GADL1: variants seen among roughly 807,000 people sequenced by gnomAD.
GADL1 encodes the protein acidic amino acid decarboxylase GADL1.
GADL1 carries 71 observed loss-of-function variants against 69.5 expected under a neutral mutation model. That is an observed-to-expected ratio of 1.02 (90% CI 0.84 to 1.25). The LOEUF (loss-of-function observed/expected upper bound fraction) is 1.25, where lower values mean the gene tolerates loss of function less well. Among genes scored for constraint, GADL1 ranks in the 50% most tolerant of loss-of-function variants. The probability of loss-of-function intolerance (pLI) is 0.00; values close to 1 mark genes in which losing one functional copy is unlikely to be tolerated. For missense variants in GADL1, 737 were observed against 631.8 expected, an observed-to-expected ratio of 1.17 and a Z score of -1.79; for synonymous variants, 254 against 214.4, an observed-to-expected ratio of 1.18 and a Z score of -1.62.
At chr3:30,863,004 G>A (rs1327249128) in intron 1 of GADL1, among the ~76,000 whole-genome samples, 1 of 150,344 alleles carries the variant, frequency 6.7e-6, no homozygotes, top group Admixed American at 6.7e-5. Context: ...AGAGATCTTC[G>A]TAAACATAAG....
At chr3:30,795,859 C>T in intron 12 of GADL1, among the ~76,000 whole-genome samples, 1 of 151,912 alleles carries the variant, frequency 6.6e-6, no homozygotes, top group Non-Finnish European at 1.5e-5. Context: ...AAAGTTAAGG[C>T]AAAAAAACTA....
At position 30,861,996 on chromosome 3, in the gene GADL1, T is replaced by A. The variant is rs970633248; in HGVS notation, c.38-231A>T. 5.3e-5 allele frequency among the ~76,000 whole-genome samples: 8 copies of A among 151,940 alleles called. 1 individual carries two copies. Among genetic ancestry groups the A allele is most frequent in the South Asian group, 4.1e-4 (2 of 4,824 alleles). Reference sequence around the variant, plus strand: ...TTATGGATTAAGTAAATCTACCTTATTATATATGTCACTCTGTACTGGGCT... The same window carrying A: ...TTATGGATTAAGTAAATCTACCTTAATATATATGTCACTCTGTACTGGGCT... On this transcript the variant is annotated intron_variant, in intron 1 of 14. Coordinates refer to ENST00000282538, the MANE Select transcript of GADL1 (RefSeq NM_207359.3).
At chr3:30,812,757 T>A (rs1257473205) in intron 11 of GADL1, among the ~76,000 whole-genome samples, 1 of 152,150 alleles carries the variant, frequency 6.6e-6, no homozygotes, top group African/African-American at 2.4e-5. Flanking sequence ...CTGTGATCCT[T>A]CCTCTTCTCA....
Position 30,816,148 on chromosome 3 carries a change from G to T in GADL1, c.1051-15060C>A, listed in dbSNP as rs529409414. ...ATTTCAGTATAGATGAGAGGCTAATGGCTCCACCATTAGAGGAATTTGCGA... is the reference window on the plus strand; with the variant it reads ...ATTTCAGTATAGATGAGAGGCTAATTGCTCCACCATTAGAGGAATTTGCGA... On this transcript the variant is annotated intron_variant, in intron 11 of 14. Coordinates refer to ENST00000282538, the MANE Select transcript of GADL1 (RefSeq NM_207359.3). 9.2e-5 allele frequency among the ~76,000 whole-genome samples: 14 copies of T among 152,218 alleles called. No homozygotes were observed. The East Asian group carries it at 2.7e-3, about 29-fold the overall frequency.
chr3:30,772,225 A>T (rs563573473), intron 14 of GADL1, among the ~76,000 whole-genome samples: 4 of 152,360 alleles, frequency 2.6e-5, no homozygotes, highest in African/African-American at 9.6e-5. Context: ...GGAGCCTGTT[A>T]TAAATGACTA....
chr3:30,740,252 T>G (rs1485131107), intron 14 of GADL1, among the ~76,000 whole-genome samples: 2 of 152,174 alleles, frequency 1.3e-5, no homozygotes, highest in African/African-American at 4.8e-5. Context: ...GAGTTTGAAT[T>G]CGACTGGTAA....
chr3:30,815,910 G>A (rs1424279632), intron 11 of GADL1, among the ~76,000 whole-genome samples: 2 of 152,092 alleles, frequency 1.3e-5, no homozygotes, highest in African/African-American at 4.8e-5. Context: ...CTGAATCCCA[G>A]TTCCATCCTT....
At chr3:30,874,285 G>T (rs916389620) in intron 1 of GADL1, among the ~76,000 whole-genome samples, 1 of 151,922 alleles carries the variant, frequency 6.6e-6, no homozygotes. Flanking sequence ...AGATTGTACC[G>T]CTGGAGTGGC....
At chr3:30,885,187 T>C (rs980409943) in intron 1 of GADL1, among the ~76,000 whole-genome samples, 1 of 152,130 alleles carries the variant, frequency 6.6e-6, no homozygotes, top group Non-Finnish European at 1.5e-5. Flanking sequence ...TAGAACATTA[T>C]TAATCTTTTT....
chr3:30,777,380 A>T (rs1048063175), intron 14 of GADL1, among the ~76,000 whole-genome samples: 1 of 152,202 alleles, frequency 6.6e-6, no homozygotes, highest in Non-Finnish European at 1.5e-5. Flanking sequence ...GCCTGATTTT[A>T]ATGGTGCTAG....
intron 12 of GADL1, among the ~76,000 whole-genome samples, chr3:30,789,479 G>C (rs756667120): frequency 7.9e-5 from 12 of 152,126 alleles, no homozygotes; most frequent in Non-Finnish European, 1.8e-4. Flanking sequence ...AATGAGCATT[G>C]ACTTCAACCT....
At chr3:30,758,656 AG>A (rs1696041315) in intron 14 of GADL1, among the ~76,000 whole-genome samples, 1 of 152,142 alleles carries the variant, frequency 6.6e-6, no homozygotes, top group South Asian at 2.1e-4. Context: ...TGGTGGAAGA[AG>A]AGAGTAAAAA....
At position 30,894,462 on chromosome 3, in the gene GADL1, C is replaced by T. The variant is rs1181267292; in HGVS notation, c.37+116G>A. The T allele has an allele frequency of 7.7e-6, 6 of 776,216 alleles. 1 individual carries two copies. The highest frequency in any genetic ancestry group is 4.1e-5 in the South Asian group (2 of 48,556). The allele number at this position is 776,216 out of a possible 1,614,324, so 48.1% of individuals were successfully genotyped here. On this transcript the variant is annotated intron_variant, in intron 1 of 14. Coordinates refer to ENST00000282538, the MANE Select transcript of GADL1 (RefSeq NM_207359.3). ...ATGAAGATGGGGACTTTCTACCCAC[C>T]CCAGCCGCTTTACAAAGAAATAACC...
intron 14 of GADL1, among the ~76,000 whole-genome samples, chr3:30,743,354 A>G (rs1695654041): frequency 6.6e-6 from 1 of 152,232 alleles, no homozygotes; most frequent in African/African-American, 2.4e-5. Context: ...GCAAATAGGA[A>G]GCAGAGATGT....
At chr3:30,772,738 T>C (rs899425474) in intron 14 of GADL1, among the ~76,000 whole-genome samples, 2 of 152,018 alleles carry the variant, frequency 1.3e-5, no homozygotes, top group East Asian at 1.9e-4. Flanking sequence ...TATCAGGGCA[T>C]AGTGGTGAGC....
chr3:30,813,480 C>T (rs1019129356), intron 11 of GADL1, among the ~76,000 whole-genome samples: 3 of 152,172 alleles, frequency 2.0e-5, no homozygotes, highest in Non-Finnish European at 4.4e-5. Context: ...ACCAAGAGCA[C>T]AATACTTAAC....
intron 12 of GADL1, among the ~76,000 whole-genome samples, chr3:30,793,353 A>G (rs1168642016): frequency 6.6e-6 from 1 of 151,188 alleles, no homozygotes; most frequent in African/African-American, 2.4e-5. Flanking sequence ...TTTTTTCAAT[A>G]TATGAAAACA....
At chr3:30,872,797 C>G (rs532642184) in intron 1 of GADL1, among the ~76,000 whole-genome samples, 10 of 152,024 alleles carry the variant, frequency 6.6e-5, no homozygotes, top group Non-Finnish European at 1.2e-4. Flanking sequence ...AGTCATTCTG[C>G]ACTCTGTGAA....
At chr3:30,739,539 C>T (rs1269912264) in intron 14 of GADL1, among the ~76,000 whole-genome samples, 1 of 152,110 alleles carries the variant, frequency 6.6e-6, no homozygotes. Context: ...AGTTGCACAC[C>T]ACAGGATGTG....
Sources: gnomAD v4.1 joint callset for allele counts (sites outside exome capture counted in the v4.1 genomes callset) on GRCh38, gnomAD v4.1.1 for gene constraint, MANE v1.5 for transcripts, NCBI Gene and HGNC (gene_info 2026-07-23, HGNC 2026-07-21) for gene names.